SLC25A14: variants seen among roughly 807,000 people sequenced by gnomAD.
SLC25A14 encodes brain mitochondrial carrier protein 1.
Under a neutral mutation model 28.1 loss-of-function variants are expected in SLC25A14, and 8 were observed. That is an observed-to-expected ratio of 0.28 (90% CI 0.17 to 0.51). The LOEUF is 0.51. SLC25A14 is among the 20% of genes least tolerant of loss of function. The probability of loss-of-function intolerance (pLI) is 0.97; values close to 1 mark genes in which losing one functional copy is unlikely to be tolerated. For missense variants in SLC25A14, 135 were observed against 263.8 expected (o/e 0.51, Z 3.38); for synonymous variants, 74 against 90.6 (o/e 0.82, Z 1.04).
chrX:130,354,904 C>T (rs1264705671), intron 6 of SLC25A14, among the ~76,000 whole-genome samples: 1 of 112,091 alleles, frequency 8.9e-6, no homozygotes, highest in Non-Finnish European at 1.9e-5. Context: ...GGACCACTAT[C>T]AAACCTACAT....
intron 8 of SLC25A14, chrX:130,365,228 T>A: frequency 1.1e-5 from 9 of 832,841 alleles, no homozygotes; most frequent in Non-Finnish European, 1.3e-5. Flanking sequence ...GCATTTGGCA[T>A]GTGATGCTGT....
intron 7 of SLC25A14, among the ~76,000 whole-genome samples, chrX:130,362,589 G>T (rs1263767104): frequency 8.9e-6 from 1 of 111,968 alleles, no homozygotes; most frequent in African/African-American, 3.2e-5. Context: ...GATGTATTTC[G>T]TTCTAATCCT....
chrX:130,366,306 T>C lies in SLC25A14; in HGVS notation c.855+630T>C, dbSNP rs756889304. Among the ~76,000 whole-genome samples the C allele has an allele frequency of 3.1e-4, 35 of 112,434 alleles. 1 individual carries two copies. Among genetic ancestry groups the C allele is most frequent in the African/African-American group, 1.1e-3 (33 of 30,974 alleles). On this transcript the variant is annotated intron_variant, in intron 9 of 10. Transcript: ENST00000545805. The stretch of plus-strand genomic sequence containing the variant: ...TATAGGTATACAAACGGATCATCAG[T>C]ACAGCCTGATAAGTGATAAACTCAA...
At chrX:130,367,841 G>A (rs546582717) in intron 9 of SLC25A14, among the ~76,000 whole-genome samples, 66 of 112,131 alleles carry the variant, frequency 5.9e-4, no homozygotes, top group South Asian at 4.1e-3. Context: ...GGAGTGCAAT[G>A]GCGTGATCTC....
At position 130,349,330 on chromosome X, in the gene SLC25A14, G is replaced by A. The variant is rs201644909; in HGVS notation, c.397G>A (p.Val133Ile). 1.4e-5 allele frequency: 17 copies of A among 1,174,136 alleles called. No individual in the cohort carries two copies. The highest frequency in any genetic ancestry group is 2.0e-5 in the Non-Finnish European group (17 of 865,954). Residue 133 changes from valine (V) to isoleucine (I), a missense_variant, in exon 5 of 11, where the codon GTA becomes ATA. By Grantham distance (29) the Val-to-Ile change is conservative (BLOSUM62 3). Transcript: ENST00000545805. ...GIYQSLKRLF[V>I]ERLEDETLLI... ...TTACCAAAGCTTGAAGCGCTTATTC[G>A]TAGAACGTTTAGAAGGTCAGTATAC...
In SLC25A14 at chrX:130,350,719, CG is replaced by C; in HGVS notation, c.487del (p.Asp163MetfsTer3). On this transcript the variant is annotated frameshift_variant, in exon 6 of 11. Coordinates refer to ENST00000545805, the MANE Select transcript of SLC25A14 (RefSeq NM_001282195.2). LOFTEE classifies it high-confidence loss of function. ...VISSTIANPT[D>X]VLKIRMQAQG... ...TATCTTCCACTATAGCCAATCCCAC[CG>C]ATGTTCTAAAGGTAAGAGAGATACA... is the stretch of plus-strand genomic sequence containing the variant. 1 of 1,140,404 alleles carries C rather than the reference CG, an allele frequency of 8.8e-7. No homozygotes were observed. Among genetic ancestry groups the C allele is most frequent in the Non-Finnish European group, 1.2e-6 (1 of 835,092 alleles). 94.0% of individuals were successfully genotyped at this position (1,140,404 alleles called of 1,213,427 possible). A position where few individuals can be genotyped will look rare whatever the true frequency, so the allele number is the denominator to read the frequency against.
intron 6 of SLC25A14, among the ~76,000 whole-genome samples, chrX:130,352,996 C>G (rs755285136): frequency 4.5e-5 from 5 of 112,116 alleles, no homozygotes; most frequent in African/African-American, 1.6e-4. Flanking sequence ...AAGGCCAATG[C>G]CCAGAATGGC....
At chrX:130,364,549 C>A in intron 7 of SLC25A14, 79 bp from the exon 8 acceptor site, 1 of 733,387 alleles carries the variant, frequency 1.4e-6, no homozygotes, top group Admixed American at 2.6e-5. Context: ...TACTTTTCAA[C>A]TCCTGACCTA....
At chrX:130,355,121 T>C (rs773467488) in intron 6 of SLC25A14, among the ~76,000 whole-genome samples, 2 of 112,682 alleles carry the variant, frequency 1.8e-5, no homozygotes, top group African/African-American at 6.4e-5. Flanking sequence ...TTTTTTGTGA[T>C]TGGCTGTTAT....
intron 9 of SLC25A14, among the ~76,000 whole-genome samples, chrX:130,370,362 A>C (rs1340271691): frequency 5.4e-5 from 6 of 111,773 alleles, no homozygotes. Flanking sequence ...GTTTCACTTC[A>C]CTATTGGAAA....
intron 2 of SLC25A14, among the ~76,000 whole-genome samples, chrX:130,341,773 T>C (rs1226231514): frequency 1.8e-5 from 2 of 112,507 alleles, no homozygotes; most frequent in Non-Finnish European, 3.8e-5. Flanking sequence ...ATGACTACTT[T>C]TACGCATATT....
In SLC25A14 at chrX:130,373,191, T is replaced by G; in HGVS notation, c.*241T>G. On this transcript the variant is annotated 3_prime_UTR_variant, in exon 11 of 11. Coordinates refer to ENST00000545805, the MANE Select transcript of SLC25A14 (RefSeq NM_001282195.2). ...TCTGGCCCCAGATTGGTATCTTCTATGAAGATGGATACTGATGGGTGACAT... is the reference window on the plus strand; with the variant it reads ...TCTGGCCCCAGATTGGTATCTTCTAGGAAGATGGATACTGATGGGTGACAT... The G allele has an allele frequency of 1.1e-5, 4 of 351,057 alleles. No individual in the cohort carries two copies. The highest frequency in any genetic ancestry group is 1.9e-5 in the Non-Finnish European group (4 of 205,684). 28.9% of individuals were successfully genotyped at this position (351,057 alleles called of 1,213,427 possible).
intron 4 of SLC25A14, among the ~76,000 whole-genome samples, chrX:130,347,306 TG>T (rs2033472841): frequency 9.0e-6 from 1 of 111,498 alleles, no homozygotes; most frequent in South Asian, 3.7e-4. Context: ...GTAATTTTCT[TG>T]GGGGAAAAAT....
intron 2 of SLC25A14, among the ~76,000 whole-genome samples, chrX:130,340,585 T>C (rs771892011): frequency 9.0e-6 from 1 of 111,468 alleles, no homozygotes; most frequent in African/African-American, 3.3e-5. Context: ...GTTGTTGTTT[T>C]TCCCCCCAGC....
intron 10 of SLC25A14, among the ~76,000 whole-genome samples, chrX:130,372,293 A>G (rs2034280757): frequency 9.0e-6 from 1 of 110,513 alleles, no homozygotes; most frequent in Admixed American, 9.6e-5. Flanking sequence ...GTTCTTGGTT[A>G]CTGTGTGTGT....
intron 8 of SLC25A14, chrX:130,365,173 A>C: frequency 1.2e-6 from 1 of 808,048 alleles, no homozygotes; most frequent in Non-Finnish European, 1.5e-6. Context: ...CTCATTTTAC[A>C]TTTTCTTTGT....
chrX:130,355,289 G>C (rs2033754237), intron 6 of SLC25A14, among the ~76,000 whole-genome samples: 1 of 112,011 alleles, frequency 8.9e-6, no homozygotes, highest in South Asian at 3.7e-4. Context: ...CTTAAGGTTC[G>C]GTTACCTGAT....
chrX:130,358,979 G>T, intron 7 of SLC25A14: 1 of 992,734 alleles, frequency 1.0e-6, no homozygotes. Flanking sequence ...CATATTCACA[G>T]TGAATGTAGT....
Position 130,373,010 on chromosome X carries a change from G to A in SLC25A14, c.*60G>A, listed in dbSNP as rs376842166. The A allele has an allele frequency of 1.8e-4, 154 of 868,833 alleles. No individual in the cohort carries two copies. In the East Asian group the frequency reaches 3.1e-3, roughly 17 times the overall value. The allele number at this position is 868,833 out of a possible 1,213,427, so 71.6% of individuals were successfully genotyped here. A position where few individuals can be genotyped will look rare whatever the true frequency, so the allele number is the denominator to read the frequency against. ...CTTTCTACTCCTTTGCCCTTTTCCCGTGTTCTAATGTATTTTGACAATGTT... is the reference window on the plus strand; with the variant it reads ...CTTTCTACTCCTTTGCCCTTTTCCCATGTTCTAATGTATTTTGACAATGTT... On this transcript the variant is annotated 3_prime_UTR_variant, in exon 11 of 11. Coordinates refer to ENST00000545805, the MANE Select transcript of SLC25A14 (RefSeq NM_001282195.2).
Sources: gnomAD v4.1 joint callset for allele counts (sites outside exome capture counted in the v4.1 genomes callset) on GRCh38, gnomAD v4.1.1 for gene constraint, MANE v1.5 for transcripts, NCBI Gene and HGNC (gene_info 2026-07-23, HGNC 2026-07-21) for gene names.